Variants in PLGRKT observed in about 807,000 individuals in gnomAD.
The protein encoded by PLGRKT is plasminogen receptor with a C-terminal lysine.
Under a neutral mutation model 18.5 loss-of-function variants are expected in PLGRKT, and 22 were observed. The ratio of observed to expected loss-of-function variants is 1.19; its 90% CI spans 0.85 to 1.70. The LOEUF (loss-of-function observed/expected upper bound fraction) is 1.70, where lower values mean the gene tolerates loss of function less well. PLGRKT is among the 40% of genes most tolerant of loss of function. The probability of loss-of-function intolerance (pLI) is 0.00; values close to 1 mark genes in which losing one functional copy is unlikely to be tolerated. For synonymous variants in PLGRKT, 72 were observed against 52.8 expected (o/e 1.36, Z -1.58); for missense variants, 235 against 174.4 (o/e 1.35, Z -1.96).
intron 3 of PLGRKT, among the ~76,000 whole-genome samples, chr9:5,377,916 T>C (rs1459415722): frequency 6.6e-6 from 1 of 152,040 alleles, no homozygotes; most frequent in Admixed American, 6.6e-5. Flanking sequence ...AAAGAAAAAA[T>C]AGAAGGCAGT....
At chr9:5,419,563 G>A (rs906354240) in intron 3 of PLGRKT, among the ~76,000 whole-genome samples, 5 of 152,204 alleles carry the variant, frequency 3.3e-5, no homozygotes, top group African/African-American at 4.8e-5. Context: ...GACTAGAACT[G>A]ACATTTCGCC....
At chr9:5,430,148 C>T (rs1311036756) in intron 3 of PLGRKT, among the ~76,000 whole-genome samples, 2 of 152,222 alleles carry the variant, frequency 1.3e-5, no homozygotes, top group South Asian at 2.1e-4. Flanking sequence ...ATGCTGTTTG[C>T]TGTGCTGTGA....
intron 3 of PLGRKT, among the ~76,000 whole-genome samples, chr9:5,397,346 C>G (rs146484371): frequency 6.6e-5 from 10 of 151,994 alleles, no homozygotes; most frequent in Non-Finnish European, 1.5e-4. Context: ...CTTCCCTGAC[C>G]TCTACATCCA....
chr9:5,430,371 G>C (rs1038203716), intron 3 of PLGRKT, among the ~76,000 whole-genome samples: 1 of 152,160 alleles, frequency 6.6e-6, no homozygotes, highest in South Asian at 2.1e-4. Context: ...CTAATACTTG[G>C]TCTCGCCTAG....
At chr9:5,432,093 A>C (rs1818838977) in intron 2 of PLGRKT, 110 bp from the exon 3 acceptor site, 1 of 599,586 alleles carries the variant, frequency 1.7e-6, no homozygotes, top group Admixed American at 2.9e-5. Flanking sequence ...AAAAAGTAAA[A>C]TTTCTGATCT....
intron 3 of PLGRKT, among the ~76,000 whole-genome samples, chr9:5,408,760 CAGAGGCCTA>C (rs1316387067): frequency 3.9e-5 from 6 of 152,364 alleles, no homozygotes; most frequent in Admixed American, 1.3e-4. Context: ...ATCACAGGCC[CAGAGGCCTA>C]AGAGGACAGA....
rs147478131 is a variant in PLGRKT, at chr9:5,396,458, G to A, written c.82-34570C>T. Among the ~76,000 whole-genome samples the A allele has an allele frequency of 4.8e-3, 715 of 149,762 alleles. 18 individuals are homozygous for A. Among genetic ancestry groups the A allele is most frequent in the African/African-American group, 0.017 (696 of 40,448 alleles). On this transcript the variant is annotated intron_variant, in intron 3 of 5. Coordinates refer to ENST00000223864, the MANE Select transcript of PLGRKT (RefSeq NM_018465.4). ...GTACCACCACACATGGCTAATTTTTGTATTTTTAGTATTTTTAATAGAGAC... is the reference window on the plus strand; with the variant it reads ...GTACCACCACACATGGCTAATTTTTATATTTTTAGTATTTTTAATAGAGAC...
Position 5,401,292 on chromosome 9 carries a change from G to A in PLGRKT, c.81+30605C>T, listed in dbSNP as rs189557712. 7.5e-4 allele frequency among the ~76,000 whole-genome samples: 103 copies of A among 137,636 alleles called. 2 individuals are homozygous for A. Among genetic ancestry groups the A allele is most frequent in the Non-Finnish European group, 1.3e-3 (81 of 64,774 alleles). 90.3% of individuals were successfully genotyped at this position (137,636 alleles called of 152,430 possible). A position where few individuals can be genotyped will look rare whatever the true frequency, so the allele number is the denominator to read the frequency against. On this transcript the variant is annotated intron_variant, in intron 3 of 5. Coordinates refer to ENST00000223864, the MANE Select transcript of PLGRKT (RefSeq NM_018465.4). ...AACAAGAATTTTAAATATAGGACGG[G>A]CTAGAAAAAAATATGTAGATTAGGT...
chr9:5,418,037 T>A lies in PLGRKT; in HGVS notation c.81+13860A>T, dbSNP rs773335872. 2.8e-4 allele frequency among the ~76,000 whole-genome samples: 43 copies of A among 152,224 alleles called. No individual in the cohort carries two copies. The highest frequency in any genetic ancestry group is 1.4e-3 in the South Asian group (7 of 4,832). On this transcript the variant is annotated intron_variant, in intron 3 of 5. Coordinates refer to ENST00000223864, the MANE Select transcript of PLGRKT (RefSeq NM_018465.4). The surrounding 1 kb of genome is among the most constrained non-coding windows in gnomAD (Gnocchi z 4.2). ...GAGAAGATCACATTGTACGCACTTGTGGAGTTTAACGTCTAAGTAGAATAT... is the reference window on the plus strand; with the variant it reads ...GAGAAGATCACATTGTACGCACTTGAGGAGTTTAACGTCTAAGTAGAATAT...
intron 3 of PLGRKT, among the ~76,000 whole-genome samples, chr9:5,367,664 C>T (rs10815193): frequency 0.23 from 34,959 of 151,912 alleles, 4,183 homozygotes; most frequent in South Asian, 0.28. Context: ...ATAAACCATT[C>T]GGGACATTGA....
intron 3 of PLGRKT, among the ~76,000 whole-genome samples, chr9:5,417,307 C>T (rs1160570449): frequency 3.3e-5 from 5 of 152,170 alleles, no homozygotes; most frequent in Non-Finnish European, 1.5e-5. Flanking sequence ...GACCTCATAC[C>T]AAGACAGCTG....
At chr9:5,383,533 A>G (rs923192527) in intron 3 of PLGRKT, among the ~76,000 whole-genome samples, 1 of 152,194 alleles carries the variant, frequency 6.6e-6, no homozygotes. Context: ...ACATTGTAAT[A>G]TATAATGAAA....
At chr9:5,385,936 T>C (rs1817834835) in intron 3 of PLGRKT, among the ~76,000 whole-genome samples, 1 of 151,804 alleles carries the variant, frequency 6.6e-6, no homozygotes, top group African/African-American at 2.4e-5. Context: ...AAAGCACAGT[T>C]ATGGGTCAAT....
chr9:5,406,652 C>T (rs911743871), intron 3 of PLGRKT, among the ~76,000 whole-genome samples: 11 of 152,214 alleles, frequency 7.2e-5, no homozygotes, highest in South Asian at 4.2e-4. Flanking sequence ...AGAGCTAATG[C>T]GTGCTGGGCT....
intron 3 of PLGRKT, among the ~76,000 whole-genome samples, chr9:5,377,977 T>C (rs1438059187): frequency 6.6e-6 from 1 of 152,152 alleles, no homozygotes; most frequent in Non-Finnish European, 1.5e-5. Context: ...AGTAAACCTT[T>C]GTTCTCTGGC....
chr9:5,433,771 G>C (rs1818888341), intron 2 of PLGRKT, among the ~76,000 whole-genome samples: 1 of 139,984 alleles, frequency 7.1e-6, no homozygotes, highest in Non-Finnish European at 1.5e-5. Flanking sequence ...GCCCCGTCTG[G>C]GATGTGAGGA....
At chr9:5,376,770 A>G (rs1817635855) in intron 3 of PLGRKT, among the ~76,000 whole-genome samples, 1 of 152,212 alleles carries the variant, frequency 6.6e-6, no homozygotes, top group Non-Finnish European at 1.5e-5. Context: ...TTCTGTATAT[A>G]CATACACACA....
chr9:5,375,894 G>C (rs1321997026), intron 3 of PLGRKT, among the ~76,000 whole-genome samples: 1 of 152,162 alleles, frequency 6.6e-6, no homozygotes, highest in Non-Finnish European at 1.5e-5. Flanking sequence ...ACAGATGCTT[G>C]TACACCTCCA....
In PLGRKT at chr9:5,415,354, G is replaced by A. The variant is rs1042691036; in HGVS notation, c.81+16543C>T. On this transcript the variant is annotated intron_variant, in intron 3 of 5. Transcript: ENST00000223864. ...TGGATAAATAAACACACAAAGAAGG[G>A]ACAGCTCTTCCAATTAACAAATACA... Among the ~76,000 whole-genome samples the A allele has an allele frequency of 6.8e-4, 104 of 152,044 alleles. 1 individual carries two copies. The highest frequency in any genetic ancestry group is 2.5e-3 in the African/African-American group (102 of 41,398).
Sources: gnomAD v4.1 joint callset for allele counts (sites outside exome capture counted in the v4.1 genomes callset) on GRCh38, gnomAD v4.1.1 for gene constraint, Gnocchi (gnomAD v3.1) non-coding constraint, MANE v1.5 for transcripts, NCBI Gene and HGNC (gene_info 2026-07-23, HGNC 2026-07-21) for gene names.